Variants in TRIO observed in about 807,000 individuals in gnomAD.
TRIO encodes trio Rho guanine nucleotide exchange factor.
Under a neutral mutation model 351.9 loss-of-function variants are expected in TRIO, and 58 were observed. The ratio of observed to expected loss-of-function variants is 0.16; its 90% CI spans 0.13 to 0.21. The LOEUF is 0.21. Among genes scored for constraint, TRIO ranks in the 10% least tolerant of loss-of-function variants. The pLI is 1.00. For missense variants in TRIO, 3,201 were observed against 4,027.8 expected (o/e 0.79, Z 5.56); for synonymous variants, 1,758 against 1,595.7 (o/e 1.10, Z -2.42).
At chr5:14,192,927 A>G (rs1189406115) in intron 1 of TRIO, among the ~76,000 whole-genome samples, 2 of 152,270 alleles carry the variant, frequency 1.3e-5, no homozygotes, top group African/African-American at 4.8e-5. Context: ...TGATTACAGT[A>G]AAGGAAAAAT....
chr5:14,226,998 GA>G (rs1487015244), intron 1 of TRIO, among the ~76,000 whole-genome samples: 2 of 152,004 alleles, frequency 1.3e-5, no homozygotes, highest in Non-Finnish European at 2.9e-5. Flanking sequence ...TCCAAACAGG[GA>G]AAAACATCAT....
At chr5:14,408,267 G>A (rs1396205509) in intron 33 of TRIO, among the ~76,000 whole-genome samples, 1 of 152,200 alleles carries the variant, frequency 6.6e-6, no homozygotes, top group Non-Finnish European at 1.5e-5. Flanking sequence ...GGAGTCAGTA[G>A]ATTTAAAATA....
intron 9 of TRIO, among the ~76,000 whole-genome samples, chr5:14,328,053 A>G (rs28563775): frequency 6.6e-6 from 1 of 152,270 alleles, no homozygotes; most frequent in Admixed American, 6.5e-5. Context: ...TTAAAATAAT[A>G]TACTCAATGC....
At chr5:14,311,200 A>G (rs1172489924) in intron 8 of TRIO, among the ~76,000 whole-genome samples, 1 of 152,184 alleles carries the variant, frequency 6.6e-6, no homozygotes, top group African/African-American at 2.4e-5. Context: ...TGGAACACAC[A>G]TGTCAGGCAT....
At chr5:14,297,861 C>T (rs1332292782) in intron 7 of TRIO, among the ~76,000 whole-genome samples, 1 of 152,224 alleles carries the variant, frequency 6.6e-6, no homozygotes, top group Non-Finnish European at 1.5e-5. Context: ...GCACCAGCTC[C>T]TCCTCAGCCA....
chr5:14,300,688 G>A (rs755803094), intron 7 of TRIO, among the ~76,000 whole-genome samples: 10 of 152,150 alleles, frequency 6.6e-5, no homozygotes, highest in Non-Finnish European at 1.2e-4. Context: ...GAGCAGATGG[G>A]ACTGTAGTAT....
intron 9 of TRIO, among the ~76,000 whole-genome samples, chr5:14,328,229 A>G (rs1020372153): frequency 4.6e-5 from 7 of 152,244 alleles, no homozygotes; most frequent in African/African-American, 1.4e-4. Context: ...AGTAATGTGC[A>G]CTCAATACGT....
At chr5:14,443,967 A>G (rs1214734605) in intron 34 of TRIO, among the ~76,000 whole-genome samples, 1 of 152,168 alleles carries the variant, frequency 6.6e-6, no homozygotes, top group Non-Finnish European at 1.5e-5. Flanking sequence ...TGCTATACGT[A>G]TTCCCCTGAC....
intron 1 of TRIO, among the ~76,000 whole-genome samples, chr5:14,270,340 C>T (rs1043457971): frequency 6.6e-6 from 1 of 152,190 alleles, no homozygotes; most frequent in Non-Finnish European, 1.5e-5. Flanking sequence ...AATCCCCTCT[C>T]TCCGCCTTGC....
At chr5:14,410,789 A>G (rs1401610691) in intron 33 of TRIO, among the ~76,000 whole-genome samples, 1 of 152,180 alleles carries the variant, frequency 6.6e-6, no homozygotes, top group Non-Finnish European at 1.5e-5. Context: ...GGGACCCTGG[A>G]GACGCCCTCT....
intron 30 of TRIO, among the ~76,000 whole-genome samples, chr5:14,400,755 C>A (rs920516892): frequency 8.5e-5 from 13 of 152,158 alleles, no homozygotes; most frequent in African/African-American, 2.9e-4. Flanking sequence ...CAGTAAGAGA[C>A]GCTCACAGGA....
At chr5:14,351,873 G>A (rs1743162453) in intron 11 of TRIO, among the ~76,000 whole-genome samples, 1 of 152,316 alleles carries the variant, frequency 6.6e-6, no homozygotes, top group African/African-American at 2.4e-5. Context: ...TCCTACTTTC[G>A]ACTTAACTGG....
Position 14,508,122 on chromosome 5 carries a change from A to G in TRIO, c.8994A>G (p.Glu2998=). ...CCCCCTTCCTGGATGACAGTGTGGA[A>G]GAGACCTGCCTGAACATTTGCCGCT... ...GVSPFLDDSV[E]ETCLNICRLD... is the part of the protein sequence containing the mutation. Residue 2998 remains glutamate, a synonymous_variant, in exon 57 of 57, where the codon GAA becomes GAG. Coordinates refer to ENST00000344204, the MANE Select transcript of TRIO (RefSeq NM_007118.4). The G allele has an allele frequency of 3.1e-6, 5 of 1,614,218 alleles. No homozygotes were observed. Among genetic ancestry groups the G allele is most frequent in the Non-Finnish European group, 3.4e-6 (4 of 1,180,028 alleles).
chr5:14,481,474 A>AG (rs1755509671), intron 44 of TRIO, 67 bp from the exon 45 acceptor site: 2 of 1,576,194 alleles, frequency 1.3e-6, no homozygotes, highest in African/African-American at 2.7e-5. Context: ...ATCAGGTCAG[A>AG]GGGTGAGCAC....
chr5:14,151,308 A>G (rs533665074), intron 1 of TRIO, among the ~76,000 whole-genome samples: 27 of 152,046 alleles, frequency 1.8e-4, no homozygotes, highest in Non-Finnish European at 3.5e-4. Context: ...ACACAGTTCA[A>G]ATTTACACGT....
rs1749961528 is a variant in TRIO, at chr5:14,419,802, G to C, written c.4984G>C (p.Val1662Leu). The change falls in exon 34 of 57, where the codon GTG (valine) becomes CTG (leucine). Residue 1662 changes from valine (V) to leucine (L), a missense_variant. Val to Leu is a conservative substitution (Grantham distance 32). Transcript: ENST00000344204. ...DKLSGGCELT[V>L]VIHDFTACNS... ...GCTCTCTGGTGGCTGTGAGCTGACAGTGGTGATCCATGACTTCACCGCTTG... is the reference window on the plus strand; with the variant it reads ...GCTCTCTGGTGGCTGTGAGCTGACACTGGTGATCCATGACTTCACCGCTTG... 1.2e-6 allele frequency: 2 copies of C among 1,614,096 alleles called. No homozygotes were observed. The highest frequency in any genetic ancestry group is 2.2e-5 in the South Asian group (2 of 91,090).
At chr5:14,198,149 T>G (rs986782308) in intron 1 of TRIO, among the ~76,000 whole-genome samples, 2 of 152,212 alleles carry the variant, frequency 1.3e-5, no homozygotes, top group Non-Finnish European at 2.9e-5. Context: ...CCACTCTTAC[T>G]GTTAAGGTTT....
chr5:14,233,640 T>C (rs1414185341), intron 1 of TRIO, among the ~76,000 whole-genome samples: 1 of 152,150 alleles, frequency 6.6e-6, no homozygotes, highest in Non-Finnish European at 1.5e-5. Context: ...GAATCTAAAG[T>C]GATCCTCCTG....
At chr5:14,180,151 G>A (rs1183122225) in intron 1 of TRIO, among the ~76,000 whole-genome samples, 1 of 146,830 alleles carries the variant, frequency 6.8e-6, no homozygotes, top group African/African-American at 2.5e-5. Flanking sequence ...TATAGATGTG[G>A]TAAAGCCTAT....
Sources: allele counts gnomAD v4.1 joint callset (sites outside exome capture counted in the v4.1 genomes callset), GRCh38; gene constraint gnomAD v4.1.1; transcripts MANE v1.5; gene names NCBI Gene and HGNC (gene_info 2026-07-23, HGNC 2026-07-21).